The following LLPH variants were observed in gnomAD, a reference collection of about 807,000 sequenced individuals.
The protein encoded by LLPH is LLP homolog, long-term synaptic facilitation factor.
In LLPH, 5 loss-of-function variants were observed where a neutral mutation model predicts 13.3. That is an observed-to-expected ratio of 0.38 (90% CI 0.20 to 0.79). LLPH has a LOEUF of 0.79. Among genes scored for constraint, LLPH ranks in the 30% least tolerant of loss-of-function variants. LLPH has a pLI of 0.45. For missense variants in LLPH, 129 were observed against 152.1 expected (o/e 0.85, Z 0.80); for synonymous variants, 32 against 44.2 (o/e 0.72, Z 1.09).
chr12:66,120,795 C>T lies in LLPH; in HGVS notation c.*3045G>A, dbSNP rs565566342. On this transcript the variant is annotated 3_prime_UTR_variant, in exon 3 of 3. Coordinates refer to ENST00000266604, the MANE Select transcript of LLPH (RefSeq NM_032338.4). ...TATGCTATACTTCTCGATTTGTAATCTTTAAAAATAAAGTGCCAAAGATGT... is the reference window on the plus strand; with the variant it reads ...TATGCTATACTTCTCGATTTGTAATTTTTAAAAATAAAGTGCCAAAGATGT... 6.6e-6 allele frequency: 1 copy of T among 152,302 alleles called. No homozygotes were observed. Among genetic ancestry groups the T allele is most frequent in the South Asian group, 2.1e-4 (1 of 4,824 alleles). 9.4% of individuals were successfully genotyped at this position (152,302 alleles called of 1,614,324 possible). A position where few individuals can be genotyped will look rare whatever the true frequency, so the allele number is the denominator to read the frequency against.
chr12:66,124,091 C>A lies in LLPH; in HGVS notation c.212-73G>T, dbSNP rs2051481644. ...CACCCTGTGAAAGCATATTAATGCACTGAGAACATCAGAACATTAGAACTG... is the reference window on the plus strand; with the variant it reads ...CACCCTGTGAAAGCATATTAATGCAATGAGAACATCAGAACATTAGAACTG... On this transcript the variant is annotated intron_variant, in intron 2 of 2. Transcript: ENST00000266604. 4.2e-6 allele frequency: 4 copies of A among 957,540 alleles called. No homozygotes were observed. In the African/African-American group the frequency reaches 5.0e-5, roughly 12 times the overall value. 59.3% of individuals were successfully genotyped at this position (957,540 alleles called of 1,614,324 possible).
chr12:66,117,622 TAAAGAA>T lies in LLPH; in HGVS notation c.*6212_*6217del, dbSNP rs1163137381. 2 of 152,186 alleles carry T rather than the reference TAAAGAA, an allele frequency of 1.3e-5. No homozygotes were observed. The highest frequency in any genetic ancestry group is 4.8e-5 in the African/African-American group (2 of 41,436). 9.4% of individuals were successfully genotyped at this position (152,186 alleles called of 1,614,324 possible). A position where few individuals can be genotyped will look rare whatever the true frequency, so the allele number is the denominator to read the frequency against. The stretch of plus-strand genomic sequence containing the variant: ...TATTTTAGAGTGTACTCCTTCTACT[TAAAGAA>T]AAAGTTGACTGTGAACAGCCTCAGG... On this transcript the variant is annotated 3_prime_UTR_variant, in exon 3 of 3. Coordinates refer to ENST00000266604, the MANE Select transcript of LLPH (RefSeq NM_032338.4).
intron 2 of LLPH, among the ~76,000 whole-genome samples, chr12:66,127,916 AC>A (rs2051507943): frequency 6.6e-6 from 1 of 152,158 alleles, no homozygotes; most frequent in Non-Finnish European, 1.5e-5. Flanking sequence ...CATGAGTACA[AC>A]CCCTGAGAAT....
intron 2 of LLPH, among the ~76,000 whole-genome samples, chr12:66,125,245 G>A (rs1276480016): frequency 6.6e-6 from 1 of 152,172 alleles, no homozygotes; most frequent in Non-Finnish European, 1.5e-5. Flanking sequence ...TCCTATAATA[G>A]TACAGGCAAG....
At chr12:66,128,749 T>A (rs1459021539) in intron 2 of LLPH, 147 bp downstream of exon 2, 10 of 628,184 alleles carry the variant, frequency 1.6e-5, no homozygotes. Context: ...AAGGCTGAGG[T>A]GGGAAGAATC....
In LLPH at chr12:66,122,878, A is replaced by G. The variant is rs1592523797; in HGVS notation, c.*962T>C. ...CTATATTAGGCCACACAATATTAAC[A>G]CTAAAGAACATTAAATCAGTTTCCA... On this transcript the variant is annotated 3_prime_UTR_variant, in exon 3 of 3. Transcript: ENST00000266604. 6.6e-6 allele frequency: 1 copy of G among 152,292 alleles called. No individual in the cohort carries two copies. The highest frequency in any genetic ancestry group is 1.5e-5 in the Non-Finnish European group (1 of 68,020). 9.4% of individuals were successfully genotyped at this position (152,292 alleles called of 1,614,324 possible). A position where few individuals can be genotyped will look rare whatever the true frequency, so the allele number is the denominator to read the frequency against.
chr12:66,128,851 A>G lies in LLPH; in HGVS notation c.211+45T>C. On this transcript the variant is annotated intron_variant, in intron 2 of 2. Coordinates refer to ENST00000266604, the MANE Select transcript of LLPH (RefSeq NM_032338.4). ...ACAGAGGAAGGAGACCCTGCCTCAA[A>G]AAAAAAAAAAAAAAAAGAGAAAGAA... is the stretch of plus-strand genomic sequence containing the variant. The G allele has an allele frequency of 7.1e-6, 4 of 565,044 alleles. 1 individual carries two copies. The highest frequency in any genetic ancestry group is 4.3e-5 in the Admixed American group (1 of 23,214). The allele number at this position is 565,044 out of a possible 1,614,324, so 35.0% of individuals were successfully genotyped here.
At chr12:66,128,868 G>T in intron 2 of LLPH, 28 bp downstream of exon 2, 776 of 997,980 alleles carry the variant, frequency 7.8e-4, no homozygotes, top group Non-Finnish European at 1.0e-3. Context: ...AAAAAAAAAA[G>T]AGAAAGAAAA....
Position 66,122,855 on chromosome 12 carries a change from A to G in LLPH, c.*985T>C, listed in dbSNP as rs1210455141. On this transcript the variant is annotated 3_prime_UTR_variant, in exon 3 of 3. Transcript: ENST00000266604. ...ACTCCGGGGAATGCTGCATGATACTATATTAGGCCACACAATATTAACACT... is the reference window on the plus strand; with the variant it reads ...ACTCCGGGGAATGCTGCATGATACTGTATTAGGCCACACAATATTAACACT... The G allele has an allele frequency of 1.3e-5, 2 of 152,222 alleles. No individual in the cohort carries two copies. The highest frequency in any genetic ancestry group is 1.9e-4 in the East Asian group (1 of 5,190). The allele number at this position is 152,222 out of a possible 1,614,324, so 9.4% of individuals were successfully genotyped here.
chr12:66,122,450 A>G lies in LLPH; in HGVS notation c.*1390T>C, dbSNP rs1427611463. The G allele has an allele frequency of 6.6e-6, 1 of 152,204 alleles. No individual in the cohort carries two copies. Among genetic ancestry groups the G allele is most frequent in the Non-Finnish European group, 1.5e-5 (1 of 68,038 alleles). The allele number at this position is 152,204 out of a possible 1,614,324, so 9.4% of individuals were successfully genotyped here. On this transcript the variant is annotated 3_prime_UTR_variant, in exon 3 of 3. Transcript: ENST00000266604. ...ATCTTATCTTATTCAATCTGTCCCA[A>G]GCATCTGGAAAGTCCCTGGCCCACA... is the stretch of plus-strand genomic sequence containing the variant.
chr12:66,127,781 G>A (rs1289970926), intron 2 of LLPH, among the ~76,000 whole-genome samples: 1 of 152,218 alleles, frequency 6.6e-6, no homozygotes, highest in African/African-American at 2.4e-5. Context: ...CTGAAATAAA[G>A]CAGCAGATTG....
chr12:66,127,520 AG>A lies in LLPH; in HGVS notation c.211+1375del, dbSNP rs554819121. Among the ~76,000 whole-genome samples, 82 of 151,642 alleles carry A rather than the reference AG, an allele frequency of 5.4e-4. 2 individuals are homozygous for A. In the East Asian group the frequency reaches 0.011, roughly 20 times the overall value. Reference sequence around the variant, plus strand: ...GCCAGAGGCTGGGGGTAGGAGGAGGAGAGACAGACTTCTTAATGGGTATTAA... The same window carrying A: ...GCCAGAGGCTGGGGGTAGGAGGAGGAAGACAGACTTCTTAATGGGTATTAA... On this transcript the variant is annotated intron_variant, in intron 2 of 2. Transcript: ENST00000266604.
Position 66,118,946 on chromosome 12 carries a change from T to C in LLPH, c.*4894A>G, listed in dbSNP as rs1003701088. The C allele has an allele frequency of 2.0e-5, 3 of 152,224 alleles. No individual in the cohort carries two copies. Among genetic ancestry groups the C allele is most frequent in the Non-Finnish European group, 4.4e-5 (3 of 68,040 alleles). The allele number at this position is 152,224 out of a possible 1,614,324, so 9.4% of individuals were successfully genotyped here. Reference sequence around the variant, plus strand: ...TCCATTTTGCTACATTCCAACCAAATGCCTGTCCACCTTAGACTGACACCT... The same window carrying C: ...TCCATTTTGCTACATTCCAACCAAACGCCTGTCCACCTTAGACTGACACCT... On this transcript the variant is annotated 3_prime_UTR_variant, in exon 3 of 3. Coordinates refer to ENST00000266604, the MANE Select transcript of LLPH (RefSeq NM_032338.4).
chr12:66,124,057 GA>G, intron 2 of LLPH, 39 bp from the exon 3 acceptor site: 2 of 1,388,444 alleles, frequency 1.4e-6, no homozygotes, highest in African/African-American at 1.5e-5. Context: ...CACCATGTAT[GA>G]AAAAAACCAC....
Position 66,120,148 on chromosome 12 carries a change from C to G in LLPH, c.*3692G>C, listed in dbSNP as rs1331709530. The G allele has an allele frequency of 6.6e-6, 1 of 152,192 alleles. No individual in the cohort carries two copies. The highest frequency in any genetic ancestry group is 1.5e-5 in the Non-Finnish European group (1 of 68,050). The allele number at this position is 152,192 out of a possible 1,614,324, so 9.4% of individuals were successfully genotyped here. A position where few individuals can be genotyped will look rare whatever the true frequency, so the allele number is the denominator to read the frequency against. ...TCAGCCCATTCCTAATGAAGTGTCA[C>G]CTGAGGAAATCCAGTCTGCCTTAGG... On this transcript the variant is annotated 3_prime_UTR_variant, in exon 3 of 3. Transcript: ENST00000266604.
chr12:66,117,612 T>G lies in LLPH; in HGVS notation c.*6228A>C, dbSNP rs959014766. The G allele has an allele frequency of 2.0e-5, 3 of 152,250 alleles. No homozygotes were observed. Among genetic ancestry groups the G allele is most frequent in the African/African-American group, 7.2e-5 (3 of 41,462 alleles). The allele number at this position is 152,250 out of a possible 1,614,324, so 9.4% of individuals were successfully genotyped here. On this transcript the variant is annotated 3_prime_UTR_variant, in exon 3 of 3. Transcript: ENST00000266604. ...CTATACTTTTTATTTTAGAGTGTAC[T>G]CCTTCTACTTAAAGAAAAAGTTGAC...
At chr12:66,124,898 A>G (rs1168691686) in intron 2 of LLPH, among the ~76,000 whole-genome samples, 1 of 152,222 alleles carries the variant, frequency 6.6e-6, no homozygotes, top group East Asian at 1.9e-4. Context: ...GCAAACAGAA[A>G]GAAAACCTCA....
chr12:66,124,028 A>G lies in LLPH; in HGVS notation c.212-10T>C. On this transcript the variant is annotated splice_polypyrimidine_tract_variant and intron_variant, in intron 2 of 2. Transcript: ENST00000266604. ...TCCATTTTCATGTCATCTGCATAAA[A>G]AGATGGAAAAACTATTAACACCATG... 6.3e-7 allele frequency: 1 copy of G among 1,586,296 alleles called. No homozygotes were observed.
Position 66,120,741 on chromosome 12 carries a change from T to G in LLPH, c.*3099A>C, listed in dbSNP as rs1487146572. The G allele has an allele frequency of 6.6e-6, 1 of 152,194 alleles. No homozygotes were observed. The highest frequency in any genetic ancestry group is 1.5e-5 in the Non-Finnish European group (1 of 68,008). The allele number at this position is 152,194 out of a possible 1,614,324, so 9.4% of individuals were successfully genotyped here. ...AAAAAGATGACAAATTTCAAAAAAA[T>G]AAGCTAATTATTTAAAAGATAAAAG... is the stretch of plus-strand genomic sequence containing the variant. On this transcript the variant is annotated 3_prime_UTR_variant, in exon 3 of 3. Transcript: ENST00000266604.
Sources: gnomAD v4.1 joint callset for allele counts (sites outside exome capture counted in the v4.1 genomes callset) on GRCh38, gnomAD v4.1.1 for gene constraint, MANE v1.5 for transcripts, NCBI Gene and HGNC (gene_info 2026-07-23, HGNC 2026-07-21) for gene names.